The following TNFRSF10A variants were observed in gnomAD, a reference collection of about 807,000 sequenced individuals.
TNFRSF10A encodes TNF receptor superfamily member 10a.
A neutral mutation model predicts 42.8 loss-of-function variants in TNFRSF10A; 44 were observed. That is an observed-to-expected ratio of 1.03 (90% CI 0.81 to 1.32). The LOEUF is 1.32. Among genes scored for constraint, TNFRSF10A ranks in the 40% most tolerant of loss-of-function variants. The pLI is 0.00. For missense variants in TNFRSF10A, 680 were observed against 602.0 expected (o/e 1.13, Z -1.36); for synonymous variants, 259 against 234.2 (o/e 1.11, Z -0.97).
chr8:23,197,541 A>T (rs573491427), intron 8 of TNFRSF10A, among the ~76,000 whole-genome samples: 1 of 152,316 alleles, frequency 6.6e-6, no homozygotes, highest in East Asian at 1.9e-4. Context: ...TCACCCTCAG[A>T]TAGGACCATC....
Position 23,202,896 on chromosome 8 carries a change from G to T in TNFRSF10A, c.404-135C>A, listed in dbSNP as rs1287191883. ...AATCCCATCTTCTTGGCTTGGTCTT[G>T]TCGTCAATTCTGCATCTATACACAC... is the stretch of plus-strand genomic sequence containing the variant. On this transcript the variant is annotated intron_variant, in intron 2 of 9. Coordinates refer to ENST00000221132, the MANE Select transcript of TNFRSF10A (RefSeq NM_003844.4). The T allele has an allele frequency of 6.4e-6, 4 of 623,846 alleles. No homozygotes were observed. The South Asian group carries it at 7.2e-5, about 11-fold the overall frequency. The allele number at this position is 623,846 out of a possible 1,614,324, so 38.6% of individuals were successfully genotyped here. A position where few individuals can be genotyped will look rare whatever the true frequency, so the allele number is the denominator to read the frequency against.
At chr8:23,196,642 G>T (rs1192713482) in intron 9 of TNFRSF10A, among the ~76,000 whole-genome samples, 1 of 152,178 alleles carries the variant, frequency 6.6e-6, no homozygotes, top group Non-Finnish European at 1.5e-5. Flanking sequence ...TCAGTGATTG[G>T]CCCTCTGTGC....
At chr8:23,197,000 G>C in intron 9 of TNFRSF10A, 132 bp downstream of exon 9, 2 of 1,173,782 alleles carry the variant, frequency 1.7e-6, no homozygotes, top group South Asian at 2.5e-5. Context: ...GGTCTTGATG[G>C]TCTATAGCAT....
At chr8:23,196,846 A>G (rs1360547009) in intron 9 of TNFRSF10A, among the ~76,000 whole-genome samples, 2 of 152,246 alleles carry the variant, frequency 1.3e-5, no homozygotes. Flanking sequence ...AGGACAGGGC[A>G]GCCCCTCAGG....
chr8:23,225,089 T>G lies in TNFRSF10A; in HGVS notation c.-28A>C. 1 of 1,480,654 alleles carries G rather than the reference T, an allele frequency of 6.8e-7. No homozygotes were observed. The highest frequency in any genetic ancestry group is 8.9e-7 in the Non-Finnish European group (1 of 1,117,752). 91.7% of individuals were successfully genotyped at this position (1,480,654 alleles called of 1,614,324 possible). Reference sequence around the variant, plus strand: ...TGCCAGGTCAATCCAAGAAGCAGCGTGCTTGGCTATGACAAGACAGAACTT... The same window carrying G: ...TGCCAGGTCAATCCAAGAAGCAGCGGGCTTGGCTATGACAAGACAGAACTT... On this transcript the variant is annotated 5_prime_UTR_variant, in exon 1 of 10. Transcript: ENST00000221132.
intron 1 of TNFRSF10A, among the ~76,000 whole-genome samples, chr8:23,215,442 A>G (rs1017882309): frequency 2.0e-4 from 31 of 152,256 alleles, no homozygotes; most frequent in African/African-American, 7.2e-4. Context: ...CAGGAGGCGG[A>G]GGTTCCAGTG....
At position 23,202,877 on chromosome 8, in the gene TNFRSF10A, A is replaced by T. The variant is rs148699232; in HGVS notation, c.404-116T>A. On this transcript the variant is annotated intron_variant, in intron 2 of 9. Transcript: ENST00000221132. ...AGTAGACCCCAGACAGAGAAATCCC[A>T]TCTTCTTGGCTTGGTCTTGTCGTCA... The T allele has an allele frequency of 8.8e-5, 60 of 684,326 alleles. No individual in the cohort carries two copies. In the African/African-American group the frequency reaches 9.7e-4, roughly 11 times the overall value. The allele number at this position is 684,326 out of a possible 1,614,324, so 42.4% of individuals were successfully genotyped here.
At position 23,191,708 on chromosome 8, in the gene TNFRSF10A, C is replaced by T. The variant is rs761447580; in HGVS notation, c.1393G>A (p.Val465Met). 23 of 1,613,530 alleles carry T rather than the reference C, an allele frequency of 1.4e-5. No homozygotes were observed. Among genetic ancestry groups the T allele is most frequent in the East Asian group, 2.2e-5 (1 of 44,898 alleles). The part of the protein sequence containing the change: ...IYLEDGTGSA[V>M]SLE The stretch of plus-strand genomic sequence containing the variant: ...AAAAGAGTCTTTCACTCCAAGGACA[C>T]GGCAGAGCCTGTGCCATCTTCTAAG... The change falls in exon 10 of 10, where the codon GTG becomes ATG. Residue 465 changes from valine to methionine, a missense_variant. By Grantham distance (21) the Val-to-Met change is conservative. Transcript: ENST00000221132.
intron 5 of TNFRSF10A, 43 bp downstream of exon 5, chr8:23,200,644 C>G: frequency 6.2e-7 from 1 of 1,613,988 alleles, no homozygotes; most frequent in Non-Finnish European, 8.5e-7. Context: ...GCTGCTGGTC[C>G]CTGTCTCCTC....
chr8:23,217,660 G>A (rs1801202980), intron 1 of TNFRSF10A, among the ~76,000 whole-genome samples: 1 of 135,630 alleles, frequency 7.4e-6, no homozygotes, highest in South Asian at 2.4e-4. Context: ...CCTCTCACAT[G>A]AAACATGTCT....
chr8:23,215,346 T>A (rs1801162338), intron 1 of TNFRSF10A, among the ~76,000 whole-genome samples: 3 of 151,848 alleles, frequency 2.0e-5, no homozygotes, highest in Admixed American at 2.0e-4. Context: ...TGAAACCCCG[T>A]CTCTACTAAA....
chr8:23,195,947 T>G (rs11992367), intron 9 of TNFRSF10A, among the ~76,000 whole-genome samples: 69,372 of 151,866 alleles, frequency 0.46, 17,449 homozygotes, highest in African/African-American at 0.67. Context: ...CAACCCAATA[T>G]GTCCATCAAA....
chr8:23,194,417 G>C (rs1738575231), intron 9 of TNFRSF10A, among the ~76,000 whole-genome samples: 1 of 152,180 alleles, frequency 6.6e-6, no homozygotes, highest in Admixed American at 6.5e-5. Context: ...AGAATTGTCA[G>C]CATACATTTT....
Position 23,199,415 on chromosome 8 carries a change from G to A in TNFRSF10A, c.865C>T (p.Pro289Ser), listed in dbSNP as rs371707881. The A allele has an allele frequency of 1.5e-5, 24 of 1,613,076 alleles. No homozygotes were observed. The highest frequency in any genetic ancestry group is 1.9e-5 in the Non-Finnish European group (22 of 1,179,094). ...TTGTGAGCATTGTCCTCAGCCCCAG[G>A]CCCTCGTAGGAGACCCAAGCGCCAG... ...CFWRLGLLRG[P>S]GAEDNAHNEI... Residue 289 changes from proline to serine, a missense_variant, in exon 8 of 10, where the codon CCT becomes TCT. Transcript: ENST00000221132.
chr8:23,214,010 G>C (rs1040515757), intron 1 of TNFRSF10A, among the ~76,000 whole-genome samples: 1 of 151,720 alleles, frequency 6.6e-6, no homozygotes, highest in African/African-American at 2.4e-5. Context: ...TGAGATTTTA[G>C]TGTGCCTGTC....
At chr8:23,206,930 G>A in intron 2 of TNFRSF10A, 1 of 292,926 alleles carries the variant, frequency 3.4e-6, no homozygotes, top group Non-Finnish European at 6.7e-6. Flanking sequence ...GGCACTGAAA[G>A]CAAAGAAGGA....
At chr8:23,212,930 A>C (rs1486033733) in intron 1 of TNFRSF10A, among the ~76,000 whole-genome samples, 3 of 152,228 alleles carry the variant, frequency 2.0e-5, no homozygotes, top group Admixed American at 6.5e-5. Flanking sequence ...AAGAGTTAGA[A>C]AGTGTTCCCT....
At chr8:23,198,162 A>G (rs1739387213) in intron 8 of TNFRSF10A, among the ~76,000 whole-genome samples, 1 of 152,190 alleles carries the variant, frequency 6.6e-6, no homozygotes, top group South Asian at 2.1e-4. Flanking sequence ...AGCAGAGGGA[A>G]ATGGGAGAAT....
chr8:23,193,951 A>G (rs1800787777), intron 9 of TNFRSF10A, among the ~76,000 whole-genome samples: 2 of 152,036 alleles, frequency 1.3e-5, no homozygotes, highest in African/African-American at 4.8e-5. Flanking sequence ...TCTAAGCAGC[A>G]TTGGGCCTGA....
Sources: allele counts gnomAD v4.1 joint callset (sites outside exome capture counted in the v4.1 genomes callset), GRCh38; gene constraint gnomAD v4.1.1; transcripts MANE v1.5; gene names NCBI Gene and HGNC (gene_info 2026-07-23, HGNC 2026-07-21).